The following ING3 variants were observed in gnomAD, a reference collection of about 807,000 sequenced individuals.
The protein encoded by ING3 is inhibitor of growth protein 3.
Under a neutral mutation model 64.8 loss-of-function variants are expected in ING3, and 6 were observed. The ratio of observed to expected loss-of-function variants is 0.09; its 90% CI spans 0.05 to 0.18. The LOEUF (loss-of-function observed/expected upper bound fraction) is 0.18. ING3 is among the 10% of genes least tolerant of loss of function. The pLI is 1.00. For synonymous variants in ING3, 170 were observed against 173.7 expected, an observed-to-expected ratio of 0.98 and a Z score of 0.17; for missense variants, 310 against 489.7, an observed-to-expected ratio of 0.63 and a Z score of 3.46.
At chr7:120,966,802 T>C in intron 6 of ING3, 105 bp downstream of exon 6, 1 of 840,254 alleles carries the variant, frequency 1.2e-6, no homozygotes, top group Non-Finnish European at 2.0e-6. Flanking sequence ...GAGAAATAAA[T>C]CCCTTCTTTT....
At chr7:120,952,428 TTTAAA>T (rs1228485075) in intron 2 of ING3, among the ~76,000 whole-genome samples, 11 of 152,220 alleles carry the variant, frequency 7.2e-5, no homozygotes, top group Admixed American at 7.2e-4. Context: ...GGTAACTTAC[TTTAAA>T]TTATTTTTAT....
rs1584991720 is a variant in ING3 at position 120,963,349 on chromosome 7, C to T, written c.268-1393C>T. 2.0e-5 allele frequency among the ~76,000 whole-genome samples: 3 copies of T among 152,098 alleles called. No individual in the cohort carries two copies. The East Asian group carries it at 5.8e-4, about 29-fold the overall frequency. Reference sequence around the variant, plus strand: ...AGTTTTTGAAAAAATCACAAACCAACACCCTAATGATTGTTGTTAATATAT... The same window carrying T: ...AGTTTTTGAAAAAATCACAAACCAATACCCTAATGATTGTTGTTAATATAT... On this transcript the variant is annotated intron_variant, in intron 4 of 11. Transcript: ENST00000315870.
At position 120,975,433 on chromosome 7, in the gene ING3, G is replaced by A. The variant is rs933018553; in HGVS notation, c.*589G>A. On this transcript the variant is annotated 3_prime_UTR_variant, in exon 12 of 12. Coordinates refer to ENST00000315870, the MANE Select transcript of ING3 (RefSeq NM_019071.3). Reference sequence around the variant, plus strand: ...GGCTGGTATCCTCTAGAGTACCTGGGTACATAAACAGAAACTCCTGTAGGT... The same window carrying A: ...GGCTGGTATCCTCTAGAGTACCTGGATACATAAACAGAAACTCCTGTAGGT... The A allele has an allele frequency of 7.2e-6, 1 of 138,038 alleles. No homozygotes were observed. Among genetic ancestry groups the A allele is most frequent in the Non-Finnish European group, 1.5e-5 (1 of 65,246 alleles). The allele number at this position is 138,038 out of a possible 1,614,324, so 8.6% of individuals were successfully genotyped here.
intron 10 of ING3, 88 bp downstream of exon 10, chr7:120,970,968 A>C: frequency 7.9e-7 from 1 of 1,265,602 alleles, no homozygotes; most frequent in African/African-American, 1.5e-5. Context: ...TTTTAAACTC[A>C]CTTAAAATAC....
intron 11 of ING3, among the ~76,000 whole-genome samples, chr7:120,974,154 A>G (rs747381355): frequency 1.3e-5 from 2 of 152,166 alleles, no homozygotes; most frequent in Non-Finnish European, 2.9e-5. Context: ...TACCAGCATC[A>G]TGCTTCTCTG....
chr7:120,961,685 G>A (rs1041539209), intron 4 of ING3, among the ~76,000 whole-genome samples: 5 of 152,198 alleles, frequency 3.3e-5, no homozygotes, highest in African/African-American at 1.2e-4. Flanking sequence ...TCATGAGTGT[G>A]TTAACAAGTA....
At chr7:120,952,306 T>A (rs1212704037) in intron 2 of ING3, among the ~76,000 whole-genome samples, 1 of 152,226 alleles carries the variant, frequency 6.6e-6, no homozygotes, top group Non-Finnish European at 1.5e-5. Context: ...GACTGTATTA[T>A]CACTTGTGAG....
chr7:120,956,096 C>T (rs1795842125), intron 4 of ING3: 4 of 1,036,714 alleles, frequency 3.9e-6, no homozygotes, highest in Non-Finnish European at 6.1e-6. Flanking sequence ...TCGTATGTAA[C>T]AGCTGTGTCA....
Position 120,951,106 on chromosome 7 carries a change from A to T in ING3, c.29-58A>T, listed in dbSNP as rs1795756130. 4 of 1,578,664 alleles carry T rather than the reference A, an allele frequency of 2.5e-6. No individual in the cohort carries two copies. The South Asian group carries it at 3.3e-5, about 13-fold the overall frequency. The stretch of plus-strand genomic sequence containing the variant: ...ACCCCCCTGACGCACGCGCGCAGTG[A>T]CGTAAGCGCGTATTTCGCCGTTGGC... On this transcript the variant is annotated intron_variant, in intron 1 of 11. Coordinates refer to ENST00000315870, the MANE Select transcript of ING3 (RefSeq NM_019071.3).
intron 4 of ING3, 194 bp downstream of exon 4, chr7:120,955,818 G>A (rs1795837843): frequency 1.7e-6 from 1 of 596,700 alleles, no homozygotes. Flanking sequence ...TAGTTAATGT[G>A]GTGAGAACTG....
chr7:120,973,371 C>A, intron 11 of ING3, 128 bp downstream of exon 11: 1 of 604,438 alleles, frequency 1.7e-6, no homozygotes, highest in Admixed American at 2.9e-5. Flanking sequence ...TTATATTATG[C>A]TAATGCTAGA....
At chr7:120,963,444 CA>C (rs34775399) in intron 4 of ING3, among the ~76,000 whole-genome samples, 44 of 145,988 alleles carry the variant, frequency 3.0e-4, no homozygotes, top group East Asian at 4.0e-4. Flanking sequence ...GAATGTTTTT[CA>C]AAAAAAAAAC....
At chr7:120,970,326 A>G (rs896653309) in intron 9 of ING3, among the ~76,000 whole-genome samples, 7 of 151,966 alleles carry the variant, frequency 4.6e-5, no homozygotes, top group African/African-American at 1.5e-4. Context: ...TTAGCCAGGC[A>G]TGGTGGCGGG....
Position 120,952,089 on chromosome 7 carries a change from A to G in ING3, c.100+854A>G, listed in dbSNP as rs1277324747. ...GTGGCACATAATAAAAAGTGGTGGCATGGAAGCCACTTTCTGTTCAGTGGA... is the reference window on the plus strand; with the variant it reads ...GTGGCACATAATAAAAAGTGGTGGCGTGGAAGCCACTTTCTGTTCAGTGGA... On this transcript the variant is annotated intron_variant, in intron 2 of 11. Coordinates refer to ENST00000315870, the MANE Select transcript of ING3 (RefSeq NM_019071.3). Among the ~76,000 whole-genome samples, 4 of 152,336 alleles carry G rather than the reference A, an allele frequency of 2.6e-5. No individual in the cohort carries two copies. The East Asian group carries it at 7.7e-4, about 29-fold the overall frequency.
intron 5 of ING3, 79 bp from the exon 6 acceptor site, chr7:120,966,547 A>C: frequency 1.9e-6 from 2 of 1,060,016 alleles, no homozygotes; most frequent in South Asian, 2.5e-5. Flanking sequence ...AAGGGAACTC[A>C]TTGCCTGTAG....
chr7:120,959,877 C>T (rs1024264136), intron 4 of ING3, among the ~76,000 whole-genome samples: 1 of 151,796 alleles, frequency 6.6e-6, no homozygotes, highest in Admixed American at 6.6e-5. Flanking sequence ...GAACTCCTGA[C>T]CTCGTGATCC....
In ING3 at chr7:120,975,612, A is replaced by G. The variant is rs748683373; in HGVS notation, c.*768A>G. The G allele has an allele frequency of 6.6e-6, 1 of 152,146 alleles. No individual in the cohort carries two copies. Among genetic ancestry groups the G allele is most frequent in the Non-Finnish European group, 1.5e-5 (1 of 68,006 alleles). The allele number at this position is 152,146 out of a possible 1,614,324, so 9.4% of individuals were successfully genotyped here. A position where few individuals can be genotyped will look rare whatever the true frequency, so the allele number is the denominator to read the frequency against. On this transcript the variant is annotated 3_prime_UTR_variant, in exon 12 of 12. Transcript: ENST00000315870. ...TATTTTTTTGTGCAAGTAATCCTTA[A>G]AATTGCAATTGTATTAGGTGTTAAA...
At chr7:120,955,688 G>A (rs759425149) in intron 4 of ING3, 64 bp downstream of exon 4, 3 of 1,101,148 alleles carry the variant, frequency 2.7e-6, no homozygotes, top group South Asian at 2.6e-5. Flanking sequence ...ATCTTAAATT[G>A]TATTGGCTTA....
intron 3 of ING3, among the ~76,000 whole-genome samples, chr7:120,954,553 A>G (rs1795816683): frequency 1.3e-5 from 2 of 152,196 alleles, no homozygotes; most frequent in Non-Finnish European, 2.9e-5. Flanking sequence ...GGAAAAAAAA[A>G]AATCATAATC....
Sources: gnomAD v4.1 joint callset for allele counts (sites outside exome capture counted in the v4.1 genomes callset) on GRCh38, gnomAD v4.1.1 for gene constraint, MANE v1.5 for transcripts, NCBI Gene and HGNC (gene_info 2026-07-23, HGNC 2026-07-21) for gene names.